The following CSMD3 variants were observed in gnomAD, a reference collection of about 807,000 sequenced individuals.
CSMD3 encodes CUB and sushi domain-containing protein 3.
A neutral mutation model predicts 435.2 loss-of-function variants in CSMD3; 177 were observed. That is an observed-to-expected ratio of 0.41 (90% CI 0.36 to 0.46). The LOEUF is 0.46. CSMD3 is among the 20% of genes least tolerant of loss of function. CSMD3 has a pLI of 0.34. For missense variants in CSMD3, 4,265 were observed against 4,504.6 expected (o/e 0.95, Z 1.52); for synonymous variants, 1,656 against 1,520.5 (o/e 1.09, Z -2.07).
intron 23 of CSMD3, among the ~76,000 whole-genome samples, chr8:112,575,122 T>C (rs1829838110): frequency 6.6e-6 from 1 of 152,074 alleles, no homozygotes; most frequent in Admixed American, 6.6e-5. Context: ...TTGTGAATAA[T>C]TAACCTTTCT....
intron 9 of CSMD3, among the ~76,000 whole-genome samples, chr8:112,930,340 A>G (rs2083066014): frequency 6.6e-6 from 1 of 152,124 alleles, no homozygotes; most frequent in Non-Finnish European, 1.5e-5. Flanking sequence ...TTCCAGGCTT[A>G]TATTATATTA....
At chr8:112,592,695 G>T (rs1831299386) in intron 22 of CSMD3, among the ~76,000 whole-genome samples, 4 of 151,898 alleles carry the variant, frequency 2.6e-5, no homozygotes, top group Admixed American at 2.6e-4. Flanking sequence ...ATCTGACATT[G>T]TCTTTTCATT....
intron 16 of CSMD3, among the ~76,000 whole-genome samples, chr8:112,667,385 C>T (rs1357868719): frequency 6.6e-6 from 1 of 152,124 alleles, no homozygotes; most frequent in African/African-American, 2.4e-5. Flanking sequence ...CTCCCATATC[C>T]AACCCATCCT....
chr8:112,291,497 A>C lies in CSMD3; in HGVS notation c.8974+13T>G. 1.9e-6 allele frequency: 3 copies of C among 1,565,308 alleles called. No individual in the cohort carries two copies. Among genetic ancestry groups the C allele is most frequent in the Non-Finnish European group, 2.6e-6 (3 of 1,136,768 alleles). ...GACATGTTCTCAAGAAACAATTCAC[A>C]TTATCTACTTACTGATACATTCTGG... On this transcript the variant is annotated intron_variant, in intron 56 of 70. Coordinates refer to ENST00000297405, the MANE Select transcript of CSMD3 (RefSeq NM_198123.2).
chr8:112,694,756 T>A lies in CSMD3; in HGVS notation c.1973-4706A>T, dbSNP rs930452633. Among the ~76,000 whole-genome samples the A allele has an allele frequency of 3.9e-5, 6 of 152,302 alleles. No individual in the cohort carries two copies. In the East Asian group the frequency reaches 1.2e-3, roughly 29 times the overall value. On this transcript the variant is annotated intron_variant, in intron 13 of 70. Coordinates refer to ENST00000297405, the MANE Select transcript of CSMD3 (RefSeq NM_198123.2). ...TATAAAGTCTTAATCACCATGCTAT[T>A]GTGGAGAACTTTTCATTCACTAGTT...
intron 1 of CSMD3, among the ~76,000 whole-genome samples, chr8:113,333,775 A>G (rs1232436300): frequency 1.3e-5 from 2 of 151,880 alleles, no homozygotes; most frequent in Admixed American, 1.3e-4. Flanking sequence ...TTTGAAATAA[A>G]ATTTAAAATA....
At chr8:113,106,104 A>G in intron 4 of CSMD3, among the ~76,000 whole-genome samples, 1 of 152,102 alleles carries the variant, frequency 6.6e-6, no homozygotes, top group East Asian at 1.9e-4. Context: ...CCTGTGATCT[A>G]GTAATGATTT....
At chr8:113,364,451 C>A (rs112695065) in intron 1 of CSMD3, among the ~76,000 whole-genome samples, 1 of 151,862 alleles carries the variant, frequency 6.6e-6, no homozygotes, top group African/African-American at 2.4e-5. Flanking sequence ...GAAATGCTAG[C>A]CTAAAAATAT....
chr8:113,333,099 AC>A (rs1266228421), intron 1 of CSMD3, among the ~76,000 whole-genome samples: 1 of 151,710 alleles, frequency 6.6e-6, no homozygotes, highest in African/African-American at 2.4e-5. Context: ...ATTTAAAAAA[AC>A]ACTTTCATCC....
At chr8:112,907,279 T>C (rs2082289153) in intron 10 of CSMD3, among the ~76,000 whole-genome samples, 1 of 151,514 alleles carries the variant, frequency 6.6e-6, no homozygotes, top group Non-Finnish European at 1.5e-5. Flanking sequence ...AGCCATAAAC[T>C]TCACGTGAAC....
chr8:112,391,059 T>C (rs1443544602), intron 35 of CSMD3, among the ~76,000 whole-genome samples: 1 of 152,180 alleles, frequency 6.6e-6, no homozygotes, highest in East Asian at 1.9e-4. Flanking sequence ...TTGTATTATA[T>C]TACTAAAACA....
intron 7 of CSMD3, among the ~76,000 whole-genome samples, chr8:112,969,440 AC>A (rs1297731276): frequency 6.6e-6 from 1 of 151,982 alleles, no homozygotes; most frequent in Admixed American, 6.6e-5. Flanking sequence ...AGAAAAGTCT[AC>A]ATCATATTCA....
intron 47 of CSMD3, among the ~76,000 whole-genome samples, chr8:112,317,230 A>G (rs1822557468): frequency 6.6e-6 from 1 of 151,970 alleles, no homozygotes; most frequent in African/African-American, 2.4e-5. Context: ...GGAAATTCTG[A>G]TTTGGGGAAT....
chr8:112,917,653 A>T (rs2082613482), intron 10 of CSMD3, among the ~76,000 whole-genome samples: 1 of 151,978 alleles, frequency 6.6e-6, no homozygotes, highest in African/African-American at 2.4e-5. Context: ...AATGGGATTA[A>T]TCTGTCAGTA....
At chr8:113,311,140 T>A (rs959370742) in intron 2 of CSMD3, 1 of 152,022 alleles carries the variant, frequency 6.6e-6, no homozygotes, top group Admixed American at 6.6e-5. Flanking sequence ...AAATATAATA[T>A]TAATGTAAAA....
intron 13 of CSMD3, among the ~76,000 whole-genome samples, chr8:112,786,415 A>G (rs1025945480): frequency 2.0e-5 from 3 of 152,190 alleles, no homozygotes; most frequent in African/African-American, 7.2e-5. Flanking sequence ...GCAAAAAGGG[A>G]CAAATGAAAT....
At chr8:113,007,513 GA>G (rs1001434462) in intron 6 of CSMD3, among the ~76,000 whole-genome samples, 3 of 151,904 alleles carry the variant, frequency 2.0e-5, no homozygotes, top group Non-Finnish European at 2.9e-5. Flanking sequence ...AAGCCAAAGA[GA>G]AAGGTCTCAA....
At chr8:113,304,830 G>C (rs1256556049) in intron 2 of CSMD3, among the ~76,000 whole-genome samples, 1 of 142,144 alleles carries the variant, frequency 7.0e-6, no homozygotes, top group Non-Finnish European at 1.5e-5. Context: ...CGAGTTAGTG[G>C]GTGCAGCGCA....
intron 9 of CSMD3, among the ~76,000 whole-genome samples, chr8:112,923,834 A>T (rs1338615508): frequency 6.6e-6 from 1 of 152,170 alleles, no homozygotes; most frequent in Non-Finnish European, 1.5e-5. Flanking sequence ...GGTTGCTATC[A>T]TATAAGACTG....
Sources: allele counts gnomAD v4.1 joint callset (sites outside exome capture counted in the v4.1 genomes callset), GRCh38; gene constraint gnomAD v4.1.1; transcripts MANE v1.5; gene names NCBI Gene and HGNC (gene_info 2026-07-23, HGNC 2026-07-21).